Variants in ZNF717 observed in about 807,000 individuals in gnomAD.
ZNF717 encodes the protein krueppel-like factor X17.
In ZNF717, 9 loss-of-function variants were observed where a neutral mutation model predicts 13.8. That is an observed-to-expected ratio of 0.65 (90% CI 0.39 to 1.14). The LOEUF (loss-of-function observed/expected upper bound fraction) is 1.14. Among genes scored for constraint, ZNF717 ranks in the 50% most tolerant of loss-of-function variants. ZNF717 has a pLI of 0.01. For synonymous variants in ZNF717, 327 were observed against 364.1 expected (o/e 0.90, Z 1.16); for missense variants, 1,040 against 1,080.7 (o/e 0.96, Z 0.53).
chr3:75,743,513 G>A (rs1940739120), intron 2 of ZNF717, among the ~76,000 whole-genome samples: 1 of 152,202 alleles, frequency 6.6e-6, no homozygotes, highest in Non-Finnish European at 1.5e-5. Flanking sequence ...ACATACAGGT[G>A]TAAATAAGGA....
intron 6 of ZNF717, among the ~76,000 whole-genome samples, chr3:75,699,097 T>C (rs1244135138): frequency 6.6e-6 from 1 of 152,304 alleles, no homozygotes; most frequent in Non-Finnish European, 1.5e-5. Flanking sequence ...CTGTGGTCCA[T>C]TTCTTTTGGC....
chr3:75,760,874 A>G (rs928571628), intron 2 of ZNF717, among the ~76,000 whole-genome samples: 1 of 151,958 alleles, frequency 6.6e-6, no homozygotes, highest in African/African-American at 2.4e-5. Context: ...TTTTTTAAAG[A>G]TCAATAAAAA....
At chr3:75,755,502 T>A (rs1267091973) in intron 2 of ZNF717, among the ~76,000 whole-genome samples, 2 of 151,954 alleles carry the variant, frequency 1.3e-5, no homozygotes, top group Non-Finnish European at 2.9e-5. Context: ...TAGATAATAA[T>A]AAATACACAC....
At chr3:75,714,991 T>C (rs1039305647) in intron 5 of ZNF717, among the ~76,000 whole-genome samples, 2 of 152,230 alleles carry the variant, frequency 1.3e-5, no homozygotes, top group Non-Finnish European at 2.9e-5. Flanking sequence ...TTTAGACTTT[T>C]AGTCATGAGA....
intron 4 of ZNF717, among the ~76,000 whole-genome samples, chr3:75,718,650 A>G (rs1938110333): frequency 6.6e-6 from 1 of 152,062 alleles, no homozygotes; most frequent in South Asian, 2.1e-4. Flanking sequence ...GCAGGATGAA[A>G]TTTTTCCACC....
chr3:75,717,518 C>T (rs1351674785), intron 4 of ZNF717, among the ~76,000 whole-genome samples: 1 of 152,198 alleles, frequency 6.6e-6, no homozygotes, highest in Non-Finnish European at 1.5e-5. Context: ...GTAAACCTGG[C>T]TTGCTTCTGG....
In ZNF717 at chr3:75,737,229, C is replaced by T; in HGVS notation, c.2394G>A (p.Lys798=). The change falls in exon 5 of 5, where the codon AAG becomes AAA. Residue 798 remains lysine, a synonymous_variant. Coordinates refer to ENST00000652011, the MANE Select transcript of ZNF717 (RefSeq NM_001290208.3). The part of the protein sequence containing the change: ...CDECRKTFYD[K]TVLTIHQRTH... Reference sequence around the variant, plus strand: ...TTCTCTGATGTATGGTGAGAACTGTCTTATCGTAAAAAGTTTTCCTACATT... The same window carrying T: ...TTCTCTGATGTATGGTGAGAACTGTTTTATCGTAAAAAGTTTTCCTACATT... The T allele has an allele frequency of 1.3e-6, 2 of 1,553,344 alleles. No individual in the cohort carries two copies. Among genetic ancestry groups the T allele is most frequent in the Non-Finnish European group, 1.7e-6 (2 of 1,148,114 alleles).
At chr3:75,741,076 A>G (rs1940361150) in intron 4 of ZNF717, among the ~76,000 whole-genome samples, 200 bp downstream of exon 4, 1 of 152,098 alleles carries the variant, frequency 6.6e-6, no homozygotes, top group South Asian at 2.1e-4. Context: ...GGGTAAATAG[A>G]AGAAGATACT....
chr3:75,753,163 C>G (rs75192642), intron 2 of ZNF717, among the ~76,000 whole-genome samples: 44 of 66,282 alleles, frequency 6.6e-4, no homozygotes, highest in South Asian at 1.6e-3. Flanking sequence ...TTTTGAATGT[C>G]TGTCCCTCAC....
At chr3:75,734,976 C>A (rs1240057259), downstream of ZNF717, among the ~76,000 whole-genome samples, 3 of 151,844 alleles carry the variant, frequency 2.0e-5, no homozygotes, top group East Asian at 3.9e-4. Flanking sequence ...CAGGCGTGTG[C>A]CACCACGTCC....
chr3:75,728,168 T>C (rs1442852863), downstream of ZNF717, among the ~76,000 whole-genome samples: 2 of 152,248 alleles, frequency 1.3e-5, no homozygotes, highest in Non-Finnish European at 1.5e-5. Context: ...CTTTATGATG[T>C]TCACAAAACA....
At chr3:75,742,337 A>G (rs78404285) in intron 2 of ZNF717, among the ~76,000 whole-genome samples, 2 of 147,176 alleles carry the variant, frequency 1.4e-5, no homozygotes, top group African/African-American at 5.2e-5. Context: ...AAAAAAAAAA[A>G]AAGAATAAAA....
downstream of ZNF717, among the ~76,000 whole-genome samples, chr3:75,707,278 T>G (rs2106827243): frequency 6.6e-6 from 1 of 152,226 alleles, no homozygotes; most frequent in African/African-American, 2.4e-5. Flanking sequence ...GCCATATGAG[T>G]TATTAAGGCC....
rs1175291063 is a variant in ZNF717 at position 75,737,278 on chromosome 3, C to T, written c.2345G>A (p.Gly782Glu). The change falls in exon 5 of 5, where the codon GGA becomes GAA. Residue 782 changes from glycine (G) to glutamate (E), a missense_variant. By Grantham distance (98) the Gly-to-Glu change is moderately conservative. Coordinates refer to ENST00000652011, the MANE Select transcript of ZNF717 (RefSeq NM_001290208.3). ...NLSTHQGTHS[G>E]EKPYECDECR... ...TTCATCACATTCATAGGGTTTCTCT[C>T]CTGAGTGAGTCCCCTGATGCGTACT... 1 of 1,552,724 alleles carries T rather than the reference C, an allele frequency of 6.4e-7. No homozygotes were observed. Among genetic ancestry groups the T allele is most frequent in the East Asian group, 2.4e-5 (1 of 40,954 alleles).
At chr3:75,766,813 A>G (rs1311779128) in intron 2 of ZNF717, among the ~76,000 whole-genome samples, 3 of 152,264 alleles carry the variant, frequency 2.0e-5, no homozygotes, top group Non-Finnish European at 4.4e-5. Flanking sequence ...ATTAAATTAG[A>G]AACCAACAAC....
Position 75,721,470 on chromosome 3 carries a change from G to A in ZNF717, n.545-4929C>T, listed in dbSNP as rs1296819256. ...CTAATTTTGTATTTTCAGTAGAGAC[G>A]GGGTTTTGCAATGTTGGCCAGGCTG... is the stretch of plus-strand genomic sequence containing the variant. On this transcript the variant is annotated intron_variant and non_coding_transcript_variant, in intron 4 of 5. Coordinates refer to the ZNF717 transcript ENST00000491507. Among the ~76,000 whole-genome samples the A allele has an allele frequency of 1.2e-4, 18 of 152,210 alleles. 1 individual carries two copies. Among genetic ancestry groups the A allele is most frequent in the East Asian group, 1.2e-3 (6 of 5,166 alleles).
At chr3:75,760,302 C>T (rs1445856864) in intron 2 of ZNF717, among the ~76,000 whole-genome samples, 2 of 152,240 alleles carry the variant, frequency 1.3e-5, no homozygotes, top group Non-Finnish European at 2.9e-5. Context: ...CCTCGGCCTC[C>T]CAAAGTGCTG....
chr3:75,781,326 G>A (rs555813370), intron 2 of ZNF717, among the ~76,000 whole-genome samples: 7 of 152,282 alleles, frequency 4.6e-5, no homozygotes, highest in Non-Finnish European at 8.8e-5. Flanking sequence ...TTCTGATTTC[G>A]GTATGCCACT....
downstream of ZNF717, among the ~76,000 whole-genome samples, chr3:75,727,302 C>A (rs1470828748): frequency 5.9e-5 from 9 of 152,268 alleles, no homozygotes; most frequent in African/African-American, 2.2e-4. Flanking sequence ...AATCAGTGCA[C>A]CCTGAAAAAG....
Sources: allele counts gnomAD v4.1 joint callset (sites outside exome capture counted in the v4.1 genomes callset), GRCh38; gene constraint gnomAD v4.1.1; transcripts MANE v1.5; gene names NCBI Gene and HGNC (gene_info 2026-07-23, HGNC 2026-07-21).